The following CEP112 variants were observed in gnomAD, a reference collection of about 807,000 sequenced individuals.
CEP112 encodes centrosomal protein 112, also known as centrosomal protein of 112 kDa.
Under a neutral mutation model 153.0 loss-of-function variants are expected in CEP112, and 127 were observed. The observed-to-expected ratio is 0.83, with a 90% CI of 0.72 to 0.96. The LOEUF (loss-of-function observed/expected upper bound fraction) is 0.96, where lower values mean the gene tolerates loss of function less well. CEP112 is among the 40% of genes least tolerant of loss of function. The probability of loss-of-function intolerance (pLI) is 0.00; values close to 1 mark genes in which losing one functional copy is unlikely to be tolerated. For synonymous variants in CEP112, 358 were observed against 374.4 expected (o/e 0.96, Z 0.51); for missense variants, 1,089 against 1,101.2 (o/e 0.99, Z 0.16).
intron 23 of CEP112, among the ~76,000 whole-genome samples, chr17:65,718,128 G>A (rs1598390303): frequency 6.6e-6 from 1 of 152,146 alleles, no homozygotes; most frequent in African/African-American, 2.4e-5. Context: ...ATTTTTGGCT[G>A]GGCGCGGTGG....
chr17:65,798,367 G>T (rs1792947903), intron 21 of CEP112, among the ~76,000 whole-genome samples: 1 of 152,120 alleles, frequency 6.6e-6, no homozygotes, highest in Non-Finnish European at 1.5e-5. Flanking sequence ...TAGCTGGCTG[G>T]CTGGCTTCTA....
chr17:65,819,698 G>A (rs2056435583), intron 21 of CEP112, among the ~76,000 whole-genome samples: 1 of 151,872 alleles, frequency 6.6e-6, no homozygotes, highest in African/African-American at 2.4e-5. Context: ...CATTATTCTT[G>A]CCAGAAATGC....
chr17:65,858,260 A>C (rs2058192323), intron 20 of CEP112, among the ~76,000 whole-genome samples: 1 of 152,094 alleles, frequency 6.6e-6, no homozygotes, highest in African/African-American at 2.4e-5. Flanking sequence ...TCTCTGGAAA[A>C]GTTTGTAAAA....
intron 18 of CEP112, among the ~76,000 whole-genome samples, chr17:65,932,139 C>A (rs532183908): frequency 1.3e-5 from 2 of 152,300 alleles, no homozygotes; most frequent in East Asian, 3.9e-4. Flanking sequence ...AGGAGCCACA[C>A]CTGACTTCAT....
At chr17:65,854,226 G>A (rs1381659906) in intron 20 of CEP112, among the ~76,000 whole-genome samples, 1 of 152,198 alleles carries the variant, frequency 6.6e-6, no homozygotes, top group Non-Finnish European at 1.5e-5. Context: ...ACATTATGAT[G>A]CTGGGAATAA....
chr17:65,647,260 G>A (rs1197211060), intron 24 of CEP112, among the ~76,000 whole-genome samples: 2 of 140,500 alleles, frequency 1.4e-5, no homozygotes, highest in Non-Finnish European at 1.5e-5. Context: ...CGCAACCTCC[G>A]CCTCCTGGGT....
chr17:65,820,400 G>A (rs938677380), intron 21 of CEP112, among the ~76,000 whole-genome samples: 14 of 151,978 alleles, frequency 9.2e-5, no homozygotes, highest in African/African-American at 3.4e-4. Flanking sequence ...CATTGTCACT[G>A]CAATAAGAAA....
chr17:65,909,432 G>C (rs1191526203), intron 19 of CEP112, among the ~76,000 whole-genome samples: 1 of 152,102 alleles, frequency 6.6e-6, no homozygotes, highest in African/African-American at 2.4e-5. Context: ...TAAGTGAATA[G>C]AAATATGAAA....
intron 24 of CEP112, chr17:65,644,162 A>T: frequency 1.2e-6 from 1 of 856,528 alleles, no homozygotes; most frequent in South Asian, 1.4e-5. Context: ...CGAACAATTC[A>T]ACTTGCAGTT....
chr17:66,176,827 T>C lies in CEP112; in HGVS notation c.297+3A>G. On this transcript the variant is annotated splice_donor_region_variant and intron_variant, in intron 3 of 26. Coordinates refer to ENST00000535342, the MANE Select transcript of CEP112 (RefSeq NM_001199165.4). ...TATATACCTTTTGTTCATTGATACC[T>C]ACCATGTATGAAGGTAGAATTTTTA... 1 of 1,599,140 alleles carries C rather than the reference T, an allele frequency of 6.3e-7. No homozygotes were observed. The highest frequency in any genetic ancestry group is 1.1e-5 in the South Asian group (1 of 88,336).
chr17:65,971,661 CATGT>C (rs1445273923), intron 17 of CEP112, among the ~76,000 whole-genome samples: 2 of 122,102 alleles, frequency 1.6e-5, no homozygotes, highest in Non-Finnish European at 3.5e-5. Context: ...ATGTCACATG[CATGT>C]ATGTTACATG....
intron 17 of CEP112, among the ~76,000 whole-genome samples, chr17:65,985,028 C>A (rs1200355981): frequency 6.6e-6 from 1 of 152,064 alleles, no homozygotes; most frequent in African/African-American, 2.4e-5. Flanking sequence ...AGGGAATAAC[C>A]CAAACTGCAT....
At chr17:65,792,680 T>C (rs1346419431) in intron 21 of CEP112, among the ~76,000 whole-genome samples, 2 of 151,982 alleles carry the variant, frequency 1.3e-5, no homozygotes, top group Non-Finnish European at 2.9e-5. Context: ...TTAGGTGAAA[T>C]CAAGACCTGT....
chr17:66,163,552 T>G (rs2071803706), intron 4 of CEP112, among the ~76,000 whole-genome samples: 1 of 151,824 alleles, frequency 6.6e-6, no homozygotes, highest in African/African-American at 2.4e-5. Context: ...CAAAAAGAAC[T>G]TTATTAGAAA....
intron 18 of CEP112, among the ~76,000 whole-genome samples, chr17:65,953,407 C>T (rs188558478): frequency 3.7e-4 from 56 of 152,298 alleles, no homozygotes; most frequent in African/African-American, 1.3e-3. Flanking sequence ...ACTTTGGCTC[C>T]AAGAACTACT....
chr17:65,657,995 T>C (rs1039032208), intron 24 of CEP112, among the ~76,000 whole-genome samples: 2 of 152,184 alleles, frequency 1.3e-5, no homozygotes, highest in African/African-American at 4.8e-5. Flanking sequence ...TAGTAAAAAA[T>C]AGAAAAAGCA....
At chr17:66,072,966 T>C (rs2067357204) in intron 8 of CEP112, among the ~76,000 whole-genome samples, 1 of 152,184 alleles carries the variant, frequency 6.6e-6, no homozygotes, top group Admixed American at 6.5e-5. Flanking sequence ...GATATAAATA[T>C]AGATATGTAC....
chr17:66,156,075 T>A (rs1050906163), intron 4 of CEP112, among the ~76,000 whole-genome samples: 10 of 152,164 alleles, frequency 6.6e-5, no homozygotes, highest in Admixed American at 5.9e-4. Flanking sequence ...CTGACTCCCA[T>A]GCCTCCTGAC....
At chr17:65,849,687 G>T (rs2057857144) in intron 21 of CEP112, among the ~76,000 whole-genome samples, 2 of 152,174 alleles carry the variant, frequency 1.3e-5, no homozygotes, top group Non-Finnish European at 2.9e-5. Flanking sequence ...ACAGGTATCT[G>T]TGCTATTTAA....
Sources: gnomAD v4.1 joint callset for allele counts (sites outside exome capture counted in the v4.1 genomes callset) on GRCh38, gnomAD v4.1.1 for gene constraint, MANE v1.5 for transcripts, NCBI Gene and HGNC (gene_info 2026-07-23, HGNC 2026-07-21) for gene names.